COX5B: variants seen among roughly 807,000 people sequenced by gnomAD.
COX5B encodes cytochrome c oxidase subunit 5B, mitochondrial.
In COX5B, 8 loss-of-function variants were observed where a neutral mutation model predicts 16.2. That is an observed-to-expected ratio of 0.49 (90% CI 0.29 to 0.89). The LOEUF (loss-of-function observed/expected upper bound fraction) is 0.89. Ranked by LOEUF, COX5B falls within the 40% of genes least tolerant of loss-of-function variation. The probability of loss-of-function intolerance (pLI) is 0.08; values close to 1 mark genes in which losing one functional copy is unlikely to be tolerated. For missense variants in COX5B, 161 were observed against 168.7 expected (o/e 0.95, Z 0.25); for synonymous variants, 65 against 67.6 (o/e 0.96, Z 0.19).
chr2:97,647,021 A>C lies in COX5B; in HGVS notation c.104-46A>C, dbSNP rs773512749. The C allele has an allele frequency of 5.1e-6, 8 of 1,581,512 alleles. No individual in the cohort carries two copies. The African/African-American group carries it at 1.1e-4, about 21-fold the overall frequency. Reference sequence around the variant, plus strand: ...GATCATTTCTGTTTGTAGTTTTTCTATCAGTCATTTCAGTCAGCGTCATAA... The same window carrying C: ...GATCATTTCTGTTTGTAGTTTTTCTCTCAGTCATTTCAGTCAGCGTCATAA... On this transcript the variant is annotated intron_variant, in intron 1 of 3. Coordinates refer to ENST00000258424, the MANE Select transcript of COX5B (RefSeq NM_001862.3).
At position 97,647,977 on chromosome 2, in the gene COX5B, C is replaced by G; in HGVS notation, c.278-19C>G. 6.2e-7 allele frequency: 1 copy of G among 1,610,050 alleles called. No homozygotes were observed. The highest frequency in any genetic ancestry group is 8.5e-7 in the Non-Finnish European group (1 of 1,177,860). On this transcript the variant is annotated intron_variant, in intron 3 of 3. Transcript: ENST00000258424. ...CTTTCTAGGTTGGATGACCATAAAC[C>G]ACCTTTTTTCCCTTTTAGGTGAAGA... is the stretch of plus-strand genomic sequence containing the variant.
At chr2:97,647,168 C>T in intron 2 of COX5B, 28 bp downstream of exon 2, 1 of 1,608,844 alleles carries the variant, frequency 6.2e-7, no homozygotes, top group Non-Finnish European at 8.5e-7. Flanking sequence ...TCTGTGTCTT[C>T]TGTGTAACTT....
chr2:97,647,036 C>G, intron 1 of COX5B, 31 bp from the exon 2 acceptor site: 2 of 1,604,318 alleles, frequency 1.2e-6, no homozygotes, highest in South Asian at 1.1e-5. Context: ...TCATTTCAGT[C>G]AGCGTCATAA....
chr2:97,647,960 G>A (rs1012698022), intron 3 of COX5B, 36 bp from the exon 4 acceptor site: 2 of 1,580,710 alleles, frequency 1.3e-6, no homozygotes, highest in African/African-American at 1.3e-5. Context: ...CCCTTTCTAG[G>A]TTGGATGACC....
intron 3 of COX5B, 96 bp downstream of exon 3, chr2:97,647,539 G>A (rs1167201052): frequency 4.6e-6 from 5 of 1,077,858 alleles, no homozygotes; most frequent in Non-Finnish European, 5.6e-6. Flanking sequence ...GTGCATGTTG[G>A]TAAGTTTGTC....
chr2:97,647,297 C>A, intron 2 of COX5B, 47 bp from the exon 3 acceptor site: 1 of 1,581,714 alleles, frequency 6.3e-7, no homozygotes, highest in Non-Finnish European at 8.7e-7. Context: ...CCTAATGGTT[C>A]AATTCTTGTT....
Position 97,647,382 on chromosome 2 carries a change from C to T in COX5B, c.216C>T (p.Gly72=), listed in dbSNP as rs765668278. Residue 72 remains glycine, a synonymous_variant, in exon 3 of 4, where the codon GGC becomes GGT. Coordinates refer to ENST00000258424, the MANE Select transcript of COX5B (RefSeq NM_001862.3). ...YNVLAPKGAS[G]TREDPNLVPS... ...TACTGGCCCCAAAGGGAGCTTCAGG[C>T]ACCAGGGAAGACCCTAATTTAGTCC... The T allele has an allele frequency of 1.9e-6, 3 of 1,614,044 alleles. No homozygotes were observed. The Admixed American group carries it at 5.0e-5, about 27-fold the overall frequency.
Position 97,646,206 on chromosome 2 carries a change from G to GA in COX5B, c.103+17_103+18insA. 1.3e-6 allele frequency: 2 copies of GA among 1,513,266 alleles called. No homozygotes were observed. The highest frequency in any genetic ancestry group is 1.8e-4 in the Middle Eastern group (1 of 5,706). 93.7% of individuals were successfully genotyped at this position (1,513,266 alleles called of 1,614,324 possible). A position where few individuals can be genotyped will look rare whatever the true frequency, so the allele number is the denominator to read the frequency against. On this transcript the variant is annotated intron_variant, in intron 1 of 3. Coordinates refer to ENST00000258424, the MANE Select transcript of COX5B (RefSeq NM_001862.3). ...CATCTGGAGGTACTCGGGTCTCCGG[G>GA]CGTGCCAGGGACCAGAGTGTTGCCC...
rs936461434 is a variant in COX5B at position 97,646,091 on chromosome 2, C to T, written c.5C>T (p.Ala2Val). M[A>V]SRLLRGAGTL... is the part of the protein sequence containing the mutation. ...TTGCTGCTAGTCGCGGACGCAATGG[C>T]TTCAAGGTTACTTCGCGGAGCTGGA... Residue 2 changes from alanine (A) to valine (V), a missense_variant, in exon 1 of 4, where the codon GCT becomes GTT. Coordinates refer to ENST00000258424, the MANE Select transcript of COX5B (RefSeq NM_001862.3). 2 of 1,555,418 alleles carry T rather than the reference C, an allele frequency of 1.3e-6. No individual in the cohort carries two copies. Among genetic ancestry groups the T allele is most frequent in the Admixed American group, 1.9e-5 (1 of 51,622 alleles).
chr2:97,646,368 C>T (rs1263848575), intron 1 of COX5B, 179 bp downstream of exon 1: 7 of 569,110 alleles, frequency 1.2e-5, no homozygotes, highest in African/African-American at 1.2e-4. Context: ...TCCTGCCGCT[C>T]CCCGAACTCA....
At position 97,648,327 on chromosome 2, in the gene COX5B, T is replaced by G; in HGVS notation, c.*219T>G. ...TATAACCAGTGTATAGTGCTTAGATTAATAATAAGAATAGATCGACAACCC... is the reference window on the plus strand; with the variant it reads ...TATAACCAGTGTATAGTGCTTAGATGAATAATAAGAATAGATCGACAACCC... On this transcript the variant is annotated 3_prime_UTR_variant, in exon 4 of 4. Coordinates refer to ENST00000258424, the MANE Select transcript of COX5B (RefSeq NM_001862.3). The G allele has an allele frequency of 2.0e-6, 1 of 490,328 alleles. No individual in the cohort carries two copies. 30.4% of individuals were successfully genotyped at this position (490,328 alleles called of 1,614,324 possible).
At chr2:97,647,471 C>T (rs553615117) in intron 3 of COX5B, 28 bp downstream of exon 3, 16 of 1,559,276 alleles carry the variant, frequency 1.0e-5, no homozygotes, top group Middle Eastern at 1.7e-4. Context: ...ATTTTTTATC[C>T]ACTTGCTTAA....
chr2:97,647,550 T>TTAGACA, intron 3 of COX5B, 107 bp downstream of exon 3: 2 of 971,730 alleles, frequency 2.1e-6, no homozygotes, highest in Non-Finnish European at 3.2e-6. Flanking sequence ...TAAGTTTGTC[T>TTAGACA]AAGGGTCTTG....
At chr2:97,647,975 A>G in intron 3 of COX5B, 21 bp from the exon 4 acceptor site, 1 of 1,610,198 alleles carries the variant, frequency 6.2e-7, no homozygotes, top group Non-Finnish European at 8.5e-7. Flanking sequence ...ATGACCATAA[A>G]CCACCTTTTT....
chr2:97,646,198 G>GA lies in COX5B; in HGVS notation c.103+9_103+10insA. ...CTCCATGGCATCTGGAGGTACTCGG[G>GA]TCTCCGGGCGTGCCAGGGACCAGAG... On this transcript the variant is annotated intron_variant, in intron 1 of 3. Transcript: ENST00000258424. 2 of 1,527,732 alleles carry GA rather than the reference G, an allele frequency of 1.3e-6. No individual in the cohort carries two copies. The highest frequency in any genetic ancestry group is 1.7e-4 in the Middle Eastern group (1 of 5,796). 94.6% of individuals were successfully genotyped at this position (1,527,732 alleles called of 1,614,324 possible). A position where few individuals can be genotyped will look rare whatever the true frequency, so the allele number is the denominator to read the frequency against.
At chr2:97,646,947 T>C in intron 1 of COX5B, 120 bp from the exon 2 acceptor site, 1 of 950,968 alleles carries the variant, frequency 1.1e-6, no homozygotes, top group Non-Finnish European at 1.6e-6. Flanking sequence ...TTTAGGAGCT[T>C]GTGAGCCCGC....
chr2:97,647,589 G>A, intron 3 of COX5B, 146 bp downstream of exon 3: 1 of 755,380 alleles, frequency 1.3e-6, no homozygotes, highest in East Asian at 2.5e-5. Flanking sequence ...ATGCCTGATA[G>A]TTCATCCTTA....
chr2:97,647,847 T>C, intron 3 of COX5B, 149 bp from the exon 4 acceptor site: 2 of 714,110 alleles, frequency 2.8e-6, no homozygotes, highest in Admixed American at 6.0e-5. Context: ...TTTCTTCATC[T>C]GAAGAATGGG....
intron 2 of COX5B, 24 bp from the exon 3 acceptor site, chr2:97,647,320 T>C: frequency 1.3e-6 from 2 of 1,598,198 alleles, no homozygotes; most frequent in South Asian, 1.1e-5. Flanking sequence ...TTTTGTTTTG[T>C]TTTGTTTTTT....
Sources: gnomAD v4.1 joint callset for allele counts on GRCh38, gnomAD v4.1.1 for gene constraint, MANE v1.5 for transcripts, NCBI Gene and HGNC (gene_info 2026-07-23, HGNC 2026-07-21) for gene names.